CTNNA3: variants seen among roughly 807,000 people sequenced by gnomAD.
The protein encoded by CTNNA3 is catenin alpha 3.
CTNNA3 carries 76 observed loss-of-function variants against 95.7 expected under a neutral mutation model. That is an observed-to-expected ratio of 0.79 (90% CI 0.66 to 0.96). CTNNA3 has a LOEUF of 0.96. Ranked by LOEUF, CTNNA3 falls within the 40% of genes least tolerant of loss-of-function variation. The pLI, the probability that CTNNA3 is intolerant of heterozygous loss-of-function variation, is 0.00. For missense variants in CTNNA3, 1,191 were observed against 1,089.8 expected (o/e 1.09, Z -1.31); for synonymous variants, 431 against 374.4 (o/e 1.15, Z -1.74).
chr10:66,249,074 G>A (rs555889397), intron 13 of CTNNA3, among the ~76,000 whole-genome samples: 2 of 152,198 alleles, frequency 1.3e-5, no homozygotes, highest in East Asian at 1.9e-4. Context: ...TCAATAAATG[G>A]TGCTGAGAAA....
intron 7 of CTNNA3, among the ~76,000 whole-genome samples, chr10:67,121,318 G>A (rs1367046144): frequency 6.6e-6 from 1 of 152,044 alleles, no homozygotes; most frequent in African/African-American, 2.4e-5. Context: ...AATGACAGAA[G>A]CTTTGGACAT....
At chr10:65,938,227 A>G (rs2077373719) in intron 17 of CTNNA3, among the ~76,000 whole-genome samples, 1 of 152,224 alleles carries the variant, frequency 6.6e-6, no homozygotes, top group Non-Finnish European at 1.5e-5. Context: ...CGTTGATACT[A>G]GAATCTTAAT....
chr10:66,866,624 C>A (rs542024836), intron 7 of CTNNA3, among the ~76,000 whole-genome samples: 2 of 152,166 alleles, frequency 1.3e-5, no homozygotes, highest in Admixed American at 1.3e-4. Flanking sequence ...ATGTACACAT[C>A]TACCAAGAAC....
At chr10:66,272,752 T>C (rs908298563) in intron 13 of CTNNA3, among the ~76,000 whole-genome samples, 1 of 152,192 alleles carries the variant, frequency 6.6e-6, no homozygotes, top group Non-Finnish European at 1.5e-5. Flanking sequence ...ACTTATTTTA[T>C]GTAAACTCAT....
chr10:66,538,242 T>A (rs1841727250), intron 10 of CTNNA3, among the ~76,000 whole-genome samples: 1 of 152,134 alleles, frequency 6.6e-6, no homozygotes, highest in African/African-American at 2.4e-5. Context: ...AAGGGTGATG[T>A]TCGGCTAGTG....
At chr10:66,750,039 T>C (rs1203633219) in intron 9 of CTNNA3, among the ~76,000 whole-genome samples, 1 of 152,202 alleles carries the variant, frequency 6.6e-6, no homozygotes, top group Non-Finnish European at 1.5e-5. Context: ...GTTTAGGCCT[T>C]CAGTTCATTT....
chr10:66,534,256 C>T (rs1841570856), intron 10 of CTNNA3, among the ~76,000 whole-genome samples: 1 of 152,032 alleles, frequency 6.6e-6, no homozygotes, highest in Admixed American at 6.6e-5. Flanking sequence ...AGAATGAATT[C>T]AAGCTGGAAA....
intron 13 of CTNNA3, among the ~76,000 whole-genome samples, chr10:66,211,762 C>T (rs1359031844): frequency 2.0e-5 from 3 of 152,122 alleles, no homozygotes; most frequent in Non-Finnish European, 2.9e-5. Context: ...CTGTGGGAGT[C>T]CACGATGATG....
At position 66,367,874 on chromosome 10, in the gene CTNNA3, A is replaced by T. The variant is rs376634717; in HGVS notation, c.1732+11278T>A. Among the ~76,000 whole-genome samples the T allele has an allele frequency of 2.2e-3, 96 of 42,880 alleles. 1 individual carries two copies. The highest frequency in any genetic ancestry group is 6.5e-3 in the African/African-American group (93 of 14,372). The allele number at this position is 42,880 out of a possible 152,430, so 28.1% of individuals were successfully genotyped here. A position where few individuals can be genotyped will look rare whatever the true frequency, so the allele number is the denominator to read the frequency against. ...TTATAATAATAATAATAATAATAAT[A>T]ATAATAATTATTATTATTATTATTA... On this transcript the variant is annotated intron_variant, in intron 12 of 17. Coordinates refer to ENST00000433211, the MANE Select transcript of CTNNA3 (RefSeq NM_013266.4).
At chr10:66,975,353 G>T (rs777722707) in intron 7 of CTNNA3, among the ~76,000 whole-genome samples, 1 of 152,188 alleles carries the variant, frequency 6.6e-6, no homozygotes, top group African/African-American at 2.4e-5. Flanking sequence ...TAAAGCAGAT[G>T]CCTAAGCATT....
At chr10:66,015,465 C>T (rs985804863) in intron 15 of CTNNA3, among the ~76,000 whole-genome samples, 15 of 152,210 alleles carry the variant, frequency 9.9e-5, no homozygotes, top group Admixed American at 9.2e-4. Flanking sequence ...ATTCCCCACA[C>T]TCCTTCATTT....
At chr10:66,176,076 A>G (rs1242346718) in intron 13 of CTNNA3, among the ~76,000 whole-genome samples, 1 of 152,214 alleles carries the variant, frequency 6.6e-6, no homozygotes, top group Non-Finnish European at 1.5e-5. Flanking sequence ...GATAATCATT[A>G]TAATTGTAAA....
intron 7 of CTNNA3, among the ~76,000 whole-genome samples, chr10:67,115,954 G>T (rs1859162078): frequency 6.6e-6 from 1 of 151,852 alleles, no homozygotes; most frequent in Non-Finnish European, 1.5e-5. Context: ...TTACATTTAT[G>T]CTCAGTATTC....
intron 15 of CTNNA3, among the ~76,000 whole-genome samples, chr10:66,024,368 C>A (rs913942711): frequency 6.6e-6 from 1 of 152,134 alleles, no homozygotes; most frequent in South Asian, 2.1e-4. Context: ...GGATTACAGG[C>A]GTGAGCCACC....
At chr10:67,185,434 C>CT (rs1862791891) in intron 6 of CTNNA3, among the ~76,000 whole-genome samples, 1 of 151,838 alleles carries the variant, frequency 6.6e-6, no homozygotes, top group Non-Finnish European at 1.5e-5. Flanking sequence ...CCTTTTTTTC[C>CT]TTTTTTTCTA....
intron 12 of CTNNA3, among the ~76,000 whole-genome samples, chr10:66,323,918 C>T (rs919825203): frequency 1.3e-5 from 2 of 151,854 alleles, no homozygotes; most frequent in African/African-American, 4.8e-5. Flanking sequence ...GAGAGGAGTT[C>T]GGCTTGGGGT....
intron 13 of CTNNA3, among the ~76,000 whole-genome samples, chr10:66,271,515 G>C (rs1314069398): frequency 2.0e-5 from 3 of 152,094 alleles, no homozygotes; most frequent in Admixed American, 6.6e-5. Flanking sequence ...ATAATAGTAT[G>C]ACATTTAATA....
intron 1 of CTNNA3, among the ~76,000 whole-genome samples, chr10:67,725,839 A>C (rs1373000712): frequency 1.3e-5 from 2 of 149,122 alleles, no homozygotes; most frequent in Non-Finnish European, 3.0e-5. Context: ...TTTAAGTCTT[A>C]TTGTAAATAC....
At chr10:66,598,559 A>C (rs1416432986) in intron 10 of CTNNA3, among the ~76,000 whole-genome samples, 2 of 152,038 alleles carry the variant, frequency 1.3e-5, no homozygotes, top group East Asian at 3.8e-4. Flanking sequence ...AAATTCAGTA[A>C]AGTTGCAGGA....
Sources: allele counts gnomAD v4.1 joint callset (sites outside exome capture counted in the v4.1 genomes callset), GRCh38; gene constraint gnomAD v4.1.1; transcripts MANE v1.5; gene names NCBI Gene and HGNC (gene_info 2026-07-23, HGNC 2026-07-21).